Variants in DDHD1 observed in about 807,000 individuals in gnomAD.
The protein encoded by DDHD1 is phospholipase DDHD1.
Under a neutral mutation model 96.4 loss-of-function variants are expected in DDHD1, and 49 were observed. The observed-to-expected ratio is 0.51, with a 90% CI of 0.40 to 0.64. The LOEUF (loss-of-function observed/expected upper bound fraction) is 0.64. Among genes scored for constraint, DDHD1 ranks in the 30% least tolerant of loss-of-function variants. The pLI is 0.00. For missense variants in DDHD1, 1,106 were observed against 1,161.2 expected (o/e 0.95, Z 0.69); for synonymous variants, 442 against 446.5 (o/e 0.99, Z 0.13).
chr14:53,115,741 A>C (rs1041958825), intron 1 of DDHD1, among the ~76,000 whole-genome samples: 2 of 152,190 alleles, frequency 1.3e-5, no homozygotes, highest in Non-Finnish European at 1.5e-5. Flanking sequence ...TAAATATGGA[A>C]AGGAAAAACC....
At chr14:53,067,692 G>A (rs1398383958) in intron 6 of DDHD1, among the ~76,000 whole-genome samples, 3 of 151,786 alleles carry the variant, frequency 2.0e-5, no homozygotes, top group Non-Finnish European at 2.9e-5. Context: ...CCCAACCTCA[G>A]GTGATCCACC....
intron 1 of DDHD1, among the ~76,000 whole-genome samples, chr14:53,122,582 G>GT (rs56655949): frequency 0.06 from 8,552 of 143,686 alleles, 637 homozygotes; most frequent in African/African-American, 0.16. Flanking sequence ...TCTGCTAATA[G>GT]TTTTTTTTTT....
At chr14:53,062,409 GA>G (rs1487368820) in intron 7 of DDHD1, among the ~76,000 whole-genome samples, 1 of 151,822 alleles carries the variant, frequency 6.6e-6, no homozygotes, top group African/African-American at 2.4e-5. Flanking sequence ...ATGAAGATAG[GA>G]ATGCAGCAAA....
Position 53,152,454 on chromosome 14 carries a change from C to T in DDHD1, c.645G>A (p.Val215=), listed in dbSNP as rs1245806100. 5 of 1,613,176 alleles carry T rather than the reference C, an allele frequency of 3.1e-6. No individual in the cohort carries two copies. The highest frequency in any genetic ancestry group is 2.7e-5 in the African/African-American group (2 of 74,942). ...PQGGDRDGDH[V]CSPTGPASSS... The stretch of plus-strand genomic sequence containing the variant: ...TGGAGGCTGGGCCCGTGGGGGAGCA[C>T]ACATGGTCGCCGTCCCGGTCCCCGC... The change falls in exon 1 of 13, where the codon GTG becomes GTA. Residue 215 remains valine (V), a synonymous_variant. Coordinates refer to ENST00000673822, the MANE Select transcript of DDHD1 (RefSeq NM_001160148.2).
At chr14:53,054,144 C>T (rs1485281570) in intron 11 of DDHD1, 1 of 273,682 alleles carries the variant, frequency 3.7e-6, no homozygotes, top group East Asian at 6.4e-5. Flanking sequence ...TTATAAACTT[C>T]AGGGGGTACT....
At chr14:53,148,651 T>C (rs1891158531) in intron 1 of DDHD1, among the ~76,000 whole-genome samples, 1 of 152,250 alleles carries the variant, frequency 6.6e-6, no homozygotes, top group Non-Finnish European at 1.5e-5. Context: ...GAAATATCTC[T>C]AGAATGTTCC....
chr14:53,124,988 T>A (rs1212653747), intron 1 of DDHD1, among the ~76,000 whole-genome samples: 2 of 152,152 alleles, frequency 1.3e-5, no homozygotes, highest in Non-Finnish European at 2.9e-5. Flanking sequence ...GGTGTGTGGG[T>A]GTGTCTCTCG....
Position 53,039,903 on chromosome 14 carries a change from C to T in DDHD1, c.*6865G>A, listed in dbSNP as rs1253253623. On this transcript the variant is annotated 3_prime_UTR_variant, in exon 13 of 13. Transcript: ENST00000673822. ...ATGCACCAATCTCTTTCCTTTCACA[C>T]ATTTACCTTTTCTTTCCCCTCACAG... The T allele has an allele frequency of 2.0e-5, 3 of 152,308 alleles. No homozygotes were observed. Among genetic ancestry groups the T allele is most frequent in the Non-Finnish European group, 2.9e-5 (2 of 68,148 alleles). 9.4% of individuals were successfully genotyped at this position (152,308 alleles called of 1,614,324 possible).
At chr14:53,074,980 C>T (rs149911007) in intron 4 of DDHD1, among the ~76,000 whole-genome samples, 3 of 152,218 alleles carry the variant, frequency 2.0e-5, no homozygotes, top group African/African-American at 4.8e-5. Context: ...TGAGCTTAAT[C>T]GATAAATGTA....
intron 4 of DDHD1, among the ~76,000 whole-genome samples, chr14:53,075,807 C>T (rs1219797487): frequency 1.3e-5 from 2 of 152,086 alleles, no homozygotes; most frequent in Non-Finnish European, 2.9e-5. Context: ...GCCTAGGGCC[C>T]TTAAGAATTA....
At chr14:53,129,738 A>G (rs1294896620) in intron 1 of DDHD1, among the ~76,000 whole-genome samples, 2 of 152,110 alleles carry the variant, frequency 1.3e-5, no homozygotes, top group African/African-American at 4.8e-5. Context: ...GCAAGAACTT[A>G]AAACCTCTTC....
intron 1 of DDHD1, among the ~76,000 whole-genome samples, chr14:53,115,724 G>T (rs1258698340): frequency 6.6e-6 from 1 of 152,080 alleles, no homozygotes; most frequent in African/African-American, 2.4e-5. Flanking sequence ...ACTCCTGAAG[G>T]AAGCACTAAA....
intron 8 of DDHD1, among the ~76,000 whole-genome samples, chr14:53,058,993 TTACAG>T (rs1883301581): frequency 6.6e-6 from 1 of 152,166 alleles, no homozygotes; most frequent in South Asian, 2.1e-4. Context: ...CACTCAAAAT[TTACAG>T]TCCTGTGGGG....
intron 2 of DDHD1, among the ~76,000 whole-genome samples, chr14:53,095,760 TTA>T (rs1199326315): frequency 1.3e-5 from 2 of 152,200 alleles, no homozygotes; most frequent in East Asian, 1.9e-4. Flanking sequence ...CTTCAAGCTC[TTA>T]TATGTTTCTA....
In DDHD1 at chr14:53,099,579, C is replaced by A. The variant is rs549232123; in HGVS notation, c.1012+4104G>T. Among the ~76,000 whole-genome samples the A allele has an allele frequency of 1.4e-4, 22 of 152,292 alleles. No individual in the cohort carries two copies. The South Asian group carries it at 4.4e-3, about 30-fold the overall frequency. ...GGCAGAGTGATGTGCTGCACTTACC[C>A]ATTCAGTTCAACCTATTTTTTACTG... On this transcript the variant is annotated intron_variant, in intron 2 of 12. Transcript: ENST00000673822.
At chr14:53,080,994 A>G (rs1885423612) in intron 4 of DDHD1, among the ~76,000 whole-genome samples, 1 of 152,130 alleles carries the variant, frequency 6.6e-6, no homozygotes, top group Non-Finnish European at 1.5e-5. Context: ...TAGTTATCCC[A>G]ATAGTACTTG....
At chr14:53,124,379 GA>G (rs1338238211) in intron 1 of DDHD1, among the ~76,000 whole-genome samples, 6 of 152,024 alleles carry the variant, frequency 3.9e-5, no homozygotes, top group Non-Finnish European at 7.4e-5. Context: ...TCACTAGCTA[GA>G]AACTGTAATC....
Position 53,055,883 on chromosome 14 carries a change from T to C in DDHD1, c.2022A>G (p.Lys674=), listed in dbSNP as rs1025649702. ...GGACAGGTGAAATGTTGCTGTAGTG[T>C]TTCAGTATTAATGGTTCTAATCTAT... ...VAYRLEPLIL[K]HYSNISPVQI... is the part of the protein sequence containing the mutation. Residue 674 remains lysine (K), a synonymous_variant, in exon 10 of 13, where the codon AAA becomes AAG. Coordinates refer to ENST00000673822, the MANE Select transcript of DDHD1 (RefSeq NM_001160148.2). 1 of 1,613,744 alleles carries C rather than the reference T, an allele frequency of 6.2e-7. No individual in the cohort carries two copies. Among genetic ancestry groups the C allele is most frequent in the Non-Finnish European group, 8.5e-7 (1 of 1,179,764 alleles).
At chr14:53,134,410 C>T (rs1409061854) in intron 1 of DDHD1, among the ~76,000 whole-genome samples, 1 of 152,028 alleles carries the variant, frequency 6.6e-6, no homozygotes, top group Non-Finnish European at 1.5e-5. Context: ...CTATTCTTTA[C>T]TTTTATACTC....
Sources: gnomAD v4.1 joint callset for allele counts (sites outside exome capture counted in the v4.1 genomes callset) on GRCh38, gnomAD v4.1.1 for gene constraint, MANE v1.5 for transcripts, NCBI Gene and HGNC (gene_info 2026-07-23, HGNC 2026-07-21) for gene names.